Variants in CRY1 observed in about 807,000 individuals in gnomAD.
CRY1 encodes the protein cryptochrome circadian regulator 1, also known as cryptochrome-1.
Under a neutral mutation model 76.0 loss-of-function variants are expected in CRY1, and 45 were observed. That is an observed-to-expected ratio of 0.59 (90% CI 0.47 to 0.76). CRY1 has a LOEUF of 0.76. Among genes scored for constraint, CRY1 ranks in the 30% least tolerant of loss-of-function variants. The pLI is 0.00. For synonymous variants in CRY1, 248 were observed against 244.0 expected, an observed-to-expected ratio of 1.02 and a Z score of -0.15; for missense variants, 587 against 716.4, an observed-to-expected ratio of 0.82 and a Z score of 2.06.
chr12:107,037,912 T>C (rs1005790267), intron 1 of CRY1, among the ~76,000 whole-genome samples: 1 of 152,110 alleles, frequency 6.6e-6, no homozygotes. Flanking sequence ...TCTCACTATG[T>C]TGCCAAGGCT....
chr12:106,995,995 T>A (rs1234640727), intron 10 of CRY1, among the ~76,000 whole-genome samples: 1 of 152,110 alleles, frequency 6.6e-6, no homozygotes, highest in Non-Finnish European at 1.5e-5. Flanking sequence ...AGGCATGCGC[T>A]ACCACGCCCG....
chr12:107,093,512 C>G lies in CRY1; in HGVS notation c.-551G>C, dbSNP rs1385659458. The G allele has an allele frequency of 1.3e-5, 2 of 152,328 alleles. No individual in the cohort carries two copies. The highest frequency in any genetic ancestry group is 2.4e-5 in the African/African-American group (1 of 41,472). 9.4% of individuals were successfully genotyped at this position (152,328 alleles called of 1,614,324 possible). On this transcript the variant is annotated 5_prime_UTR_variant, in exon 1 of 13. Transcript: ENST00000008527. The stretch of plus-strand genomic sequence containing the variant: ...GTGGTCGAGGCCGCTGGACGGTTGC[C>G]GGCCGGTGACCGGTCCCGAGGCTGC...
chr12:106,999,410 C>T, intron 7 of CRY1, 141 bp downstream of exon 7: 2 of 723,334 alleles, frequency 2.8e-6, no homozygotes, highest in South Asian at 2.2e-5. Context: ...GAAAGTGTCC[C>T]CGTATTTGGG....
intron 1 of CRY1, among the ~76,000 whole-genome samples, chr12:107,026,691 A>G (rs973685018): frequency 6.6e-6 from 1 of 152,114 alleles, no homozygotes; most frequent in Non-Finnish European, 1.5e-5. Context: ...AGCCTCATAA[A>G]ATCACCTAGT....
At chr12:107,025,775 G>C (rs536468649) in intron 1 of CRY1, among the ~76,000 whole-genome samples, 3 of 151,740 alleles carry the variant, frequency 2.0e-5, no homozygotes, top group African/African-American at 7.3e-5. Context: ...GGTTTTCAAC[G>C]ACTCATTCCC....
At chr12:107,008,433 G>A (rs1342129406) in intron 2 of CRY1, among the ~76,000 whole-genome samples, 1 of 152,132 alleles carries the variant, frequency 6.6e-6, no homozygotes, top group East Asian at 1.9e-4. Flanking sequence ...GTAAATTACT[G>A]AATACGTAAC....
intron 1 of CRY1, among the ~76,000 whole-genome samples, chr12:107,074,790 G>A (rs556550283): frequency 9.8e-5 from 15 of 152,292 alleles, no homozygotes; most frequent in African/African-American, 3.4e-4. Flanking sequence ...TGAGGCGGGT[G>A]GATTACCTGA....
chr12:107,026,147 T>TATATATTAC (rs1565829134), intron 1 of CRY1, among the ~76,000 whole-genome samples: 2 of 72,162 alleles, frequency 2.8e-5, no homozygotes, highest in African/African-American at 6.0e-5. Flanking sequence ...ATATATTACA[T>TATATATTAC]ATATATATAA....
chr12:107,066,252 TAA>T (rs1392738225), intron 1 of CRY1, among the ~76,000 whole-genome samples: 3 of 152,238 alleles, frequency 2.0e-5, no homozygotes, highest in Non-Finnish European at 2.9e-5. Flanking sequence ...AAGTTTATCC[TAA>T]GTTTAGCTAT....
intron 1 of CRY1, among the ~76,000 whole-genome samples, chr12:107,082,014 A>T (rs1425340124): frequency 6.6e-6 from 1 of 151,978 alleles, no homozygotes; most frequent in Non-Finnish European, 1.5e-5. Flanking sequence ...ACATAAAAGC[A>T]GCTTTAAAAC....
intron 2 of CRY1, among the ~76,000 whole-genome samples, chr12:107,014,489 T>C (rs1952477046): frequency 6.6e-6 from 1 of 152,224 alleles, no homozygotes; most frequent in Non-Finnish European, 1.5e-5. Flanking sequence ...AAGGGTGGGT[T>C]TGGCACTAAG....
At position 106,991,916 on chromosome 12, in the gene CRY1, A is replaced by G. The variant is rs1952184626; in HGVS notation, c.*86T>C. 6.6e-6 allele frequency: 1 copy of G among 152,602 alleles called. No homozygotes were observed. The highest frequency in any genetic ancestry group is 1.5e-5 in the Non-Finnish European group (1 of 68,014). 9.5% of individuals were successfully genotyped at this position (152,602 alleles called of 1,614,324 possible). A position where few individuals can be genotyped will look rare whatever the true frequency, so the allele number is the denominator to read the frequency against. ...TTCAATATGTAACTGCTTTCCATCA[A>G]TGAAGAATATTTTTAAATAACTTAA... On this transcript the variant is annotated 3_prime_UTR_variant, in exon 13 of 13. Transcript: ENST00000008527.
At chr12:107,056,534 A>C (rs1593529058) in intron 1 of CRY1, among the ~76,000 whole-genome samples, 1 of 152,058 alleles carries the variant, frequency 6.6e-6, no homozygotes, top group Non-Finnish European at 1.5e-5. Flanking sequence ...GTGGCCCAAC[A>C]CAATTTTGTA....
chr12:107,038,726 A>G (rs755503641), intron 1 of CRY1, among the ~76,000 whole-genome samples: 1 of 152,268 alleles, frequency 6.6e-6, no homozygotes, highest in African/African-American at 2.4e-5. Context: ...TTCAACAGCA[A>G]TACACAGATC....
intron 1 of CRY1, among the ~76,000 whole-genome samples, chr12:107,065,248 C>T (rs911669707): frequency 2.0e-5 from 3 of 152,042 alleles, no homozygotes; most frequent in African/African-American, 2.4e-5. Flanking sequence ...TAGCTGAGAT[C>T]ATGCCACTGC....
At chr12:107,007,582 T>G (rs1482960217) in intron 2 of CRY1, among the ~76,000 whole-genome samples, 1 of 151,256 alleles carries the variant, frequency 6.6e-6, no homozygotes, top group Non-Finnish European at 1.5e-5. Flanking sequence ...CAAGCTGGAG[T>G]GCAATGGTGC....
chr12:107,055,523 G>A (rs919498229), intron 1 of CRY1, among the ~76,000 whole-genome samples: 4 of 151,894 alleles, frequency 2.6e-5, no homozygotes, highest in Non-Finnish European at 5.9e-5. Flanking sequence ...GTATTCAATA[G>A]GCTAACTCCA....
intron 1 of CRY1, among the ~76,000 whole-genome samples, chr12:107,059,547 C>T (rs1253230963): frequency 6.6e-6 from 1 of 151,752 alleles, no homozygotes; most frequent in Non-Finnish European, 1.5e-5. Flanking sequence ...GCTACCATGC[C>T]TGATCATGAA....
At chr12:107,012,497 C>T (rs763950564) in intron 2 of CRY1, among the ~76,000 whole-genome samples, 4 of 152,202 alleles carry the variant, frequency 2.6e-5, no homozygotes, top group African/African-American at 4.8e-5. Flanking sequence ...CACAGACAAA[C>T]GTACTTTGTC....
Sources: gnomAD v4.1 joint callset for allele counts (sites outside exome capture counted in the v4.1 genomes callset) on GRCh38, gnomAD v4.1.1 for gene constraint, MANE v1.5 for transcripts, NCBI Gene and HGNC (gene_info 2026-07-23, HGNC 2026-07-21) for gene names.